TP73: variants seen among roughly 807,000 people sequenced by gnomAD.
The protein encoded by TP73 is tumor protein p73.
Under a neutral mutation model 62.5 loss-of-function variants are expected in TP73, and 25 were observed. The ratio of observed to expected loss-of-function variants is 0.40; its 90% confidence interval spans 0.29 to 0.56. The LOEUF (loss-of-function observed/expected upper bound fraction) is 0.56, where lower values mean the gene tolerates loss of function less well. TP73 is among the 20% of genes least tolerant of loss of function. The probability of loss-of-function intolerance (pLI) is 0.46; values close to 1 mark genes in which losing one functional copy is unlikely to be tolerated. For missense variants in TP73, 754 were observed against 913.3 expected (o/e 0.83, Z 2.25); for synonymous variants, 423 against 377.5 (o/e 1.12, Z -1.40).
chr1:3,712,637 G>C (rs1245566683), intron 4 of TP73, among the ~76,000 whole-genome samples: 1 of 152,290 alleles, frequency 6.6e-6, no homozygotes, highest in East Asian at 1.9e-4. Flanking sequence ...TTACGTTTTA[G>C]GAAGAATCAT....
chr1:3,669,779 A>G (rs1044672015), intron 1 of TP73, among the ~76,000 whole-genome samples: 1 of 151,926 alleles, frequency 6.6e-6, no homozygotes, highest in East Asian at 1.9e-4. Flanking sequence ...CCAGGGCTGG[A>G]CTCCCAGGCT....
At chr1:3,727,483 G>T in intron 7 of TP73, 145 bp from the exon 8 acceptor site, 1 of 1,233,922 alleles carries the variant, frequency 8.1e-7, no homozygotes, top group East Asian at 2.6e-5. Context: ...CCTCTAGCGG[G>T]AACACTCGCT....
At chr1:3,674,201 T>C (rs983415007) in intron 1 of TP73, among the ~76,000 whole-genome samples, 2 of 152,148 alleles carry the variant, frequency 1.3e-5, no homozygotes, top group South Asian at 4.1e-4. Flanking sequence ...CATTTTGGTT[T>C]GGTCATGGCC....
At chr1:3,690,325 G>A (rs1645780420) in intron 3 of TP73, among the ~76,000 whole-genome samples, 3 of 152,162 alleles carry the variant, frequency 2.0e-5, no homozygotes. Flanking sequence ...CAGGGGGCAG[G>A]TGCGCCCCAC....
chr1:3,732,536 G>A (rs1419657204), intron 13 of TP73, among the ~76,000 whole-genome samples: 2 of 152,158 alleles, frequency 1.3e-5, no homozygotes, highest in Non-Finnish European at 2.9e-5. Context: ...TGCTCAGGGG[G>A]CTCCATGTCT....
At chr1:3,713,684 CCTT>C (rs1480886437) in intron 4 of TP73, among the ~76,000 whole-genome samples, 2 of 152,308 alleles carry the variant, frequency 1.3e-5, no homozygotes, top group African/African-American at 4.8e-5. Flanking sequence ...GACCTCCAGA[CCTT>C]CTGTCCCTTT....
At chr1:3,667,129 C>T (rs992388475) in intron 1 of TP73, among the ~76,000 whole-genome samples, 6 of 152,056 alleles carry the variant, frequency 3.9e-5, no homozygotes, top group African/African-American at 7.2e-5. Context: ...AATATGCCTG[C>T]GGAAGCAGGA....
At chr1:3,725,589 G>C (rs34178965) in intron 6 of TP73, among the ~76,000 whole-genome samples, 66,251 of 93,944 alleles carry the variant, frequency 0.71, 25,535 homozygotes, top group Middle Eastern at 0.81. Flanking sequence ...TGGGTGGGTG[G>C]GTGAATGGAT....
chr1:3,677,690 C>T (rs1122725), intron 1 of TP73, among the ~76,000 whole-genome samples: 54,374 of 138,064 alleles, frequency 0.39, 10,900 homozygotes, highest in Admixed American at 0.48. Flanking sequence ...CCTTCCTTCC[C>T]TTTTTTTTTT....
chr1:3,653,140 G>A (rs1349820230), intron 1 of TP73, among the ~76,000 whole-genome samples: 1 of 152,264 alleles, frequency 6.6e-6, no homozygotes, highest in South Asian at 2.1e-4. Context: ...CCCCCCTCTG[G>A]ACAGGGAGAA....
chr1:3,678,289 G>A (rs922636415), intron 1 of TP73, among the ~76,000 whole-genome samples: 4 of 152,192 alleles, frequency 2.6e-5, no homozygotes, highest in African/African-American at 4.8e-5. Flanking sequence ...TATTTTTCTC[G>A]CCACTGGGAT....
At position 3,670,350 on chromosome 1, in the gene TP73, G is replaced by T. The variant is rs1361890900; in HGVS notation, c.-33-11983G>T. 4.6e-5 allele frequency among the ~76,000 whole-genome samples: 7 copies of T among 152,240 alleles called. No individual in the cohort carries two copies. The highest frequency in any genetic ancestry group is 1.7e-4 in the African/African-American group (7 of 41,534). ...CTCAAGAGCCCCATGTCCAGGTGGGGATGTACAGGAGCCCCTTAGAAGTGG... is the reference window on the plus strand; with the variant it reads ...CTCAAGAGCCCCATGTCCAGGTGGGTATGTACAGGAGCCCCTTAGAAGTGG... On this transcript the variant is annotated intron_variant, in intron 1 of 13. Transcript: ENST00000378295. This position sits in a 1 kb window ranked among gnomAD's most constrained non-coding sequence, Gnocchi z 5.9.
Position 3,670,022 on chromosome 1 carries a change from C to T in TP73, c.-33-12311C>T, listed in dbSNP as rs1645205155. On this transcript the variant is annotated intron_variant, in intron 1 of 13. Transcript: ENST00000378295. This position sits in a 1 kb window ranked among gnomAD's most constrained non-coding sequence, Gnocchi z 5.9. ...AAGCCTTGGGGGAATGTCCGAGGGG[C>T]CAGGGCCTCTGGATCCTGTTCCCTT... Among the ~76,000 whole-genome samples, 1 of 152,104 alleles carries T rather than the reference C, an allele frequency of 6.6e-6. No individual in the cohort carries two copies. The highest frequency in any genetic ancestry group is 1.5e-5 in the Non-Finnish European group (1 of 68,012).
chr1:3,689,474 G>C (rs1645751582), intron 3 of TP73, among the ~76,000 whole-genome samples: 4 of 152,044 alleles, frequency 2.6e-5, no homozygotes, highest in African/African-American at 9.7e-5. Context: ...ACAACACCTG[G>C]AATCGTCCTT....
rs1463319803 is a variant in TP73, at chr1:3,699,714, C to G, written c.187-7835C>G. On this transcript the variant is annotated intron_variant, in intron 3 of 13. Transcript: ENST00000378295. The surrounding 1 kb of genome is among the most constrained non-coding windows in gnomAD (Gnocchi z 4.1). ...ATGAATGAGAGTGCGGGATAAATGC[C>G]GGGCGGGGAGCAGGGATGCTCGGGC... 1.3e-5 allele frequency among the ~76,000 whole-genome samples: 2 copies of G among 152,104 alleles called. No homozygotes were observed. The highest frequency in any genetic ancestry group is 2.9e-5 in the Non-Finnish European group (2 of 68,008).
rs1380845772 is a variant in TP73 at position 3,670,652 on chromosome 1, C to T, written c.-33-11681C>T. Reference sequence around the variant, plus strand: ...CTGCACTCCAGCCTGGGTGACAGAGCGAGACTCTATCTCAAAAAAAATAAA... The same window carrying T: ...CTGCACTCCAGCCTGGGTGACAGAGTGAGACTCTATCTCAAAAAAAATAAA... On this transcript the variant is annotated intron_variant, in intron 1 of 13. Transcript: ENST00000378295. This position sits in a 1 kb window ranked among gnomAD's most constrained non-coding sequence, Gnocchi z 5.9. Among the ~76,000 whole-genome samples the T allele has an allele frequency of 1.3e-5, 2 of 151,374 alleles. No individual in the cohort carries two copies. Among genetic ancestry groups the T allele is most frequent in the South Asian group, 2.1e-4 (1 of 4,786 alleles).
At chr1:3,674,155 G>C (rs1645306775) in intron 1 of TP73, among the ~76,000 whole-genome samples, 1 of 152,230 alleles carries the variant, frequency 6.6e-6, no homozygotes, top group East Asian at 1.9e-4. Context: ...GACCCAGGAA[G>C]CTGGTTGGGG....
At chr1:3,731,586 A>G (rs1229021251) in intron 13 of TP73, 30 bp downstream of exon 13, 1 of 1,604,398 alleles carries the variant, frequency 6.2e-7, no homozygotes, top group Admixed American at 1.7e-5. Flanking sequence ...CGCTCTGCAG[A>G]GGCAGTAGCT....
intron 4 of TP73, among the ~76,000 whole-genome samples, chr1:3,716,871 G>T (rs1360332748): frequency 6.6e-6 from 1 of 152,166 alleles, no homozygotes; most frequent in Non-Finnish European, 1.5e-5. Context: ...CTAGGGAGAG[G>T]AAGGGTCCAG....
Sources: allele counts gnomAD v4.1 joint callset (sites outside exome capture counted in the v4.1 genomes callset), GRCh38; gene constraint gnomAD v4.1.1; non-coding constraint Gnocchi (gnomAD v3.1); transcripts MANE v1.5; gene names NCBI Gene and HGNC (gene_info 2026-07-23, HGNC 2026-07-21).